The following UBE3A variants were observed in gnomAD, a reference collection of about 807,000 sequenced individuals.
UBE3A encodes ubiquitin protein ligase E3A.
A neutral mutation model predicts 83.4 loss-of-function variants in UBE3A; 6 were observed. That is an observed-to-expected ratio of 0.07 (90% CI 0.04 to 0.14). UBE3A has a LOEUF of 0.14. Among genes scored for constraint, UBE3A ranks in the 10% least tolerant of loss-of-function variants. The probability of loss-of-function intolerance (pLI) is 1.00; values close to 1 mark genes in which losing one functional copy is unlikely to be tolerated. For missense variants in UBE3A, 456 were observed against 1,036.1 expected, an observed-to-expected ratio of 0.44 and a Z score of 7.69; for synonymous variants, 337 against 355.4, an observed-to-expected ratio of 0.95 and a Z score of 0.58.
At chr15:25,415,851 A>AC in intron 1 of UBE3A, 1 of 132,196 alleles carries the variant, frequency 7.6e-6, no homozygotes. Flanking sequence ...CTCTACAAGA[A>AC]AAAAAAAAAA....
At position 25,371,898 on chromosome 15, in the gene UBE3A, CCAAA is replaced by C. The variant is rs1169760507; in HGVS notation, c.362-90_362-87del. 4.6e-6 allele frequency: 6 copies of C among 1,295,036 alleles called. No homozygotes were observed. Among genetic ancestry groups the C allele is most frequent in the Non-Finnish European group, 6.4e-6 (6 of 944,170 alleles). 80.2% of individuals were successfully genotyped at this position (1,295,036 alleles called of 1,614,324 possible). On this transcript the variant is annotated intron_variant, in intron 5 of 12. Transcript: ENST00000648336. The surrounding 1 kb of genome is among the most constrained non-coding windows in gnomAD (Gnocchi z 5.3). ...GCAAAAAGTTCTAAAAGTAAAACAG[CCAAA>C]CATTCTAGGCTCAATATCATTTATG...
chr15:25,408,756 C>A, intron 3 of UBE3A: 2 of 1,282,628 alleles, frequency 1.6e-6, no homozygotes, highest in South Asian at 1.5e-5. Flanking sequence ...TTAAAACGTT[C>A]ACCACATAAA....
rs77394984 is a variant in UBE3A, at chr15:25,355,533, G to A, written c.2124+359C>T. On this transcript the variant is annotated intron_variant, in intron 9 of 12. Transcript: ENST00000648336. Reference sequence around the variant, plus strand: ...TTTTTATCACAAACAGGATATACATGTGTAAATTAAATGTAATTTTTATTT... The same window carrying A: ...TTTTTATCACAAACAGGATATACATATGTAAATTAAATGTAATTTTTATTT... Among the ~76,000 whole-genome samples the A allele has an allele frequency of 6.2e-4, 94 of 152,246 alleles. 2 individuals carry two copies. In the East Asian group the frequency reaches 0.016, roughly 26 times the overall value.
intron 4 of UBE3A, among the ~76,000 whole-genome samples, chr15:25,389,969 A>G (rs1484000459): frequency 6.6e-6 from 1 of 152,158 alleles, no homozygotes; most frequent in Non-Finnish European, 1.5e-5. Flanking sequence ...CAAACAACCC[A>G]ATTAAAAAAT....
chr15:25,435,918 G>A (rs1335005994), intron 1 of UBE3A, among the ~76,000 whole-genome samples: 1 of 152,136 alleles, frequency 6.6e-6, no homozygotes, highest in Non-Finnish European at 1.5e-5. Flanking sequence ...CAGAAAAACT[G>A]GATAGGAAGA....
chr15:25,407,364 G>T, intron 3 of UBE3A: 1 of 752,162 alleles, frequency 1.3e-6, no homozygotes, highest in Non-Finnish European at 1.7e-6. Context: ...AGGACATGAT[G>T]ATAGGAAAAT....
intron 7 of UBE3A, among the ~76,000 whole-genome samples, chr15:25,359,034 A>G (rs1178273634): frequency 1.3e-5 from 2 of 152,224 alleles, no homozygotes; most frequent in African/African-American, 4.8e-5. Context: ...TAATCAGAAT[A>G]TAACTCTGAA....
intron 11 of UBE3A, among the ~76,000 whole-genome samples, chr15:25,351,534 A>T (rs540418505): frequency 6.6e-6 from 1 of 152,276 alleles, no homozygotes; most frequent in African/African-American, 2.4e-5. Context: ...CAGTGGCACG[A>T]TCTAGGCTCA....
At chr15:25,348,651 AAAT>A (rs2076065974) in intron 11 of UBE3A, among the ~76,000 whole-genome samples, 2 of 152,196 alleles carry the variant, frequency 1.3e-5, no homozygotes, top group African/African-American at 4.8e-5. Flanking sequence ...CAATATATAA[AAAT>A]CGATTTTATT....
chr15:25,342,879 G>A (rs1050946439), intron 11 of UBE3A, among the ~76,000 whole-genome samples: 1 of 152,124 alleles, frequency 6.6e-6, no homozygotes, highest in African/African-American at 2.4e-5. Flanking sequence ...GTGGTTAAAG[G>A]AAGGACTACA....
At chr15:25,340,264 G>T in intron 11 of UBE3A, 36 bp from the exon 12 acceptor site, 1 of 1,605,300 alleles carries the variant, frequency 6.2e-7, no homozygotes. Context: ...TTTCAGTTTG[G>T]CATTCATTAT....
chr15:25,378,740 T>C (rs932875714), intron 4 of UBE3A, among the ~76,000 whole-genome samples: 7 of 152,122 alleles, frequency 4.6e-5, no homozygotes, highest in Admixed American at 3.9e-4. Flanking sequence ...ACATGAGTAA[T>C]ACTGAAGAAT....
chr15:25,435,941 T>TA (rs1894941986), intron 1 of UBE3A, among the ~76,000 whole-genome samples: 1 of 152,220 alleles, frequency 6.6e-6, no homozygotes, highest in Non-Finnish European at 1.5e-5. Context: ...TCTAAGGTAA[T>TA]ACTTATTGAG....
intron 11 of UBE3A, among the ~76,000 whole-genome samples, chr15:25,345,035 A>T (rs1317676819): frequency 6.6e-6 from 1 of 152,160 alleles, no homozygotes; most frequent in Non-Finnish European, 1.5e-5. Flanking sequence ...AAAGACCCAG[A>T]GACATTATCT....
At chr15:25,414,493 CA>C (rs1446245306) in intron 1 of UBE3A, among the ~76,000 whole-genome samples, 1 of 152,034 alleles carries the variant, frequency 6.6e-6, no homozygotes, top group East Asian at 1.9e-4. Flanking sequence ...TGGAGAGATA[CA>C]GGGGGTGTTA....
intron 4 of UBE3A, among the ~76,000 whole-genome samples, chr15:25,394,480 A>G (rs1198814583): frequency 6.6e-6 from 1 of 152,224 alleles, no homozygotes; most frequent in Non-Finnish European, 1.5e-5. Flanking sequence ...ACTTCAGAAA[A>G]TATTTCAGTA....
intron 4 of UBE3A, among the ~76,000 whole-genome samples, chr15:25,398,167 CAAAAAAAAAAA>C (rs71127052): frequency 1.4e-4 from 14 of 99,170 alleles, no homozygotes; most frequent in South Asian, 6.2e-4. Context: ...GACTCTGTCT[CAAAAAAAAAAA>C]AAAAAAAAAA....
At chr15:25,348,191 G>C (rs2075999391) in intron 11 of UBE3A, among the ~76,000 whole-genome samples, 1 of 151,842 alleles carries the variant, frequency 6.6e-6, no homozygotes, top group South Asian at 2.1e-4. Flanking sequence ...CAAAATAAAT[G>C]AAACAAAACC....
At chr15:25,391,390 C>T (rs1029681344) in intron 4 of UBE3A, among the ~76,000 whole-genome samples, 3 of 152,108 alleles carry the variant, frequency 2.0e-5, no homozygotes, top group African/African-American at 7.2e-5. Context: ...TTCTGTTTTA[C>T]AAGATGAAAA....
Sources: allele counts gnomAD v4.1 joint callset (sites outside exome capture counted in the v4.1 genomes callset), GRCh38; gene constraint gnomAD v4.1.1; non-coding constraint Gnocchi (gnomAD v3.1); transcripts MANE v1.5; gene names NCBI Gene and HGNC (gene_info 2026-07-23, HGNC 2026-07-21).